Variants in B4GALT6 observed in about 807,000 individuals in gnomAD.
B4GALT6 encodes UDP-Gal:beta-GlcNAc beta-1,4-galactosyltransferase 6.
In B4GALT6, 14 loss-of-function variants were observed where a neutral mutation model predicts 46.3. That is an observed-to-expected ratio of 0.30 (90% CI 0.20 to 0.47). The LOEUF is 0.47. Ranked by LOEUF, B4GALT6 falls within the 20% of genes least tolerant of loss-of-function variation. B4GALT6 has a pLI of 0.99. For synonymous variants in B4GALT6, 168 were observed against 162.0 expected (o/e 1.04, Z -0.28); for missense variants, 386 against 480.1 (o/e 0.80, Z 1.83).
At chr18:31,692,054 A>G in the B4GALT6 span, among the ~76,000 whole-genome samples, 96 of 152,342 alleles carry the variant, frequency 6.3e-4, no homozygotes, top group African/African-American at 2.2e-3. Flanking sequence ...ATATTAGGTC[A>G]AAGAAAAAAA....
the B4GALT6 span, among the ~76,000 whole-genome samples, chr18:31,716,496 A>G: frequency 6.6e-6 from 1 of 152,206 alleles, no homozygotes; most frequent in East Asian, 1.9e-4. Flanking sequence ...GTAATGAGTA[A>G]GCTCTGTGCC....
chr18:31,704,911 C>A, the B4GALT6 span, among the ~76,000 whole-genome samples: 1 of 152,192 alleles, frequency 6.6e-6, no homozygotes, highest in Admixed American at 6.5e-5. Flanking sequence ...CATAGGCATA[C>A]AAAGTTAAAT....
chr18:31,624,894 T>C lies in B4GALT6; in HGVS notation c.*720A>G, dbSNP rs1254891347. 1 of 152,574 alleles carries C rather than the reference T, an allele frequency of 6.6e-6. No homozygotes were observed. The highest frequency in any genetic ancestry group is 1.5e-5 in the Non-Finnish European group (1 of 68,026). The allele number at this position is 152,574 out of a possible 1,614,324, so 9.5% of individuals were successfully genotyped here. A position where few individuals can be genotyped will look rare whatever the true frequency, so the allele number is the denominator to read the frequency against. On this transcript the variant is annotated 3_prime_UTR_variant, in exon 9 of 9. Transcript: ENST00000306851. ...ACTCATGCAATATGCATAAACAATA[T>C]GGTTGTGATTTCTAGCAAAATCAGA... is the stretch of plus-strand genomic sequence containing the variant.
chr18:31,714,227 A>G, the B4GALT6 span, among the ~76,000 whole-genome samples: 1 of 152,244 alleles, frequency 6.6e-6, no homozygotes, highest in Admixed American at 6.5e-5. Context: ...TGGCAACTAT[A>G]ATGGACGATA....
intron 5 of B4GALT6, among the ~76,000 whole-genome samples, chr18:31,635,960 G>A (rs2073853102): frequency 6.6e-6 from 1 of 152,162 alleles, no homozygotes; most frequent in African/African-American, 2.4e-5. Flanking sequence ...AGACCTTTTA[G>A]TAGAAACTGA....
chr18:31,670,392 A>T (rs2074336690), intron 1 of B4GALT6, among the ~76,000 whole-genome samples: 1 of 149,590 alleles, frequency 6.7e-6, no homozygotes, highest in Non-Finnish European at 1.5e-5. Context: ...AACAAAGGTG[A>T]ATTATTTACC....
chr18:31,638,108 T>TAAAAAAA (rs2073883522), intron 5 of B4GALT6, among the ~76,000 whole-genome samples: 1 of 152,170 alleles, frequency 6.6e-6, no homozygotes, highest in Non-Finnish European at 1.5e-5. Flanking sequence ...AGAATATCAT[T>TAAAAAAA]AAAATATAAC....
intron 1 of B4GALT6, among the ~76,000 whole-genome samples, chr18:31,683,510 G>A (rs2074505460): frequency 6.6e-6 from 1 of 152,118 alleles, no homozygotes; most frequent in South Asian, 2.1e-4. Context: ...ACGCCGCATT[G>A]GCTCCTTTTC....
the B4GALT6 span, among the ~76,000 whole-genome samples, chr18:31,712,952 G>A: frequency 6.6e-6 from 1 of 152,040 alleles, no homozygotes; most frequent in Non-Finnish European, 1.5e-5. Flanking sequence ...CTTCTTTATA[G>A]GCTGCAGCAG....
At chr18:31,684,678 G>A (rs1360430150), upstream of B4GALT6, 14 of 403,744 alleles carry the variant, frequency 3.5e-5, no homozygotes, top group Non-Finnish European at 4.7e-5. Flanking sequence ...GGGGAGAGGG[G>A]ACTGGGGGCT....
At chr18:31,657,023 A>T (rs1423952733) in intron 3 of B4GALT6, among the ~76,000 whole-genome samples, 2 of 152,212 alleles carry the variant, frequency 1.3e-5, no homozygotes, top group Non-Finnish European at 2.9e-5. Flanking sequence ...CATCAATATC[A>T]AAGTGGTACA....
chr18:31,627,085 C>G lies in B4GALT6; in HGVS notation c.813G>C (p.Gly271=). Residue 271 remains glycine (G), a synonymous_variant, in exon 7 of 9, where the codon GGG becomes GGC. Coordinates refer to ENST00000306851, the MANE Select transcript of B4GALT6 (RefSeq NM_004775.5). ...PYKEFFGGVS[G]LTVEQFRKIN... ...TCTTTCTAAATTGTTCCACTGTCAG[C>G]CCACTTACACCACCAAAAAATTCTT... 6.2e-7 allele frequency: 1 copy of G among 1,607,894 alleles called. No individual in the cohort carries two copies. The highest frequency in any genetic ancestry group is 8.5e-7 in the Non-Finnish European group (1 of 1,177,578).
chr18:31,660,266 A>G (rs556692969), intron 2 of B4GALT6, among the ~76,000 whole-genome samples: 5 of 152,212 alleles, frequency 3.3e-5, no homozygotes, highest in East Asian at 1.9e-4. Flanking sequence ...TTAAATATAT[A>G]TATCTACATA....
At chr18:31,679,654 G>C (rs1446198169) in intron 1 of B4GALT6, among the ~76,000 whole-genome samples, 1 of 152,126 alleles carries the variant, frequency 6.6e-6, no homozygotes, top group Non-Finnish European at 1.5e-5. Context: ...TCACCTACAT[G>C]ATGAAGACAA....
chr18:31,629,849 C>CAAAAA (rs1192136047), intron 6 of B4GALT6, among the ~76,000 whole-genome samples: 1 of 60,130 alleles, frequency 1.7e-5, no homozygotes, highest in Non-Finnish European at 3.4e-5. Flanking sequence ...GACTCTGTCT[C>CAAAAA]AAAAAAAAAA....
At chr18:31,688,258 T>TAC (rs1555643340), upstream of B4GALT6, among the ~76,000 whole-genome samples, 1 of 148,628 alleles carries the variant, frequency 6.7e-6, no homozygotes, top group Non-Finnish European at 1.5e-5. Flanking sequence ...TATATATATA[T>TAC]ACATATATAT....
At chr18:31,626,099 A>G (rs975950235) in intron 8 of B4GALT6, among the ~76,000 whole-genome samples, 184 bp downstream of exon 8, 1 of 152,230 alleles carries the variant, frequency 6.6e-6, no homozygotes, top group South Asian at 2.1e-4. Context: ...ATATACGTAT[A>G]TCTCTTAAAA....
chr18:31,699,823 G>T, the B4GALT6 span, among the ~76,000 whole-genome samples: 2 of 152,074 alleles, frequency 1.3e-5, no homozygotes, highest in Non-Finnish European at 2.9e-5. Context: ...ATAGGGAGGA[G>T]GAAGCAAAGA....
chr18:31,681,575 C>T (rs920155822), intron 1 of B4GALT6, among the ~76,000 whole-genome samples: 32 of 152,164 alleles, frequency 2.1e-4, no homozygotes, highest in African/African-American at 7.2e-4. Context: ...CCAAATAGTC[C>T]AGAAATAGAC....
Sources: gnomAD v4.1 joint callset for allele counts (sites outside exome capture counted in the v4.1 genomes callset) on GRCh38, gnomAD v4.1.1 for gene constraint, MANE v1.5 for transcripts, NCBI Gene and HGNC (gene_info 2026-07-23, HGNC 2026-07-21) for gene names.